BLTP1: variants seen among roughly 807,000 people sequenced by gnomAD.
The protein encoded by BLTP1 is fragile site-associated protein.
chr4:122,298,255 G>A, the BLTP1 span: 3 of 946,950 alleles, frequency 3.2e-6, no homozygotes, highest in Non-Finnish European at 3.8e-6. Flanking sequence ...ATCACCTATT[G>A]TGTTGTGTTT....
the BLTP1 span, among the ~76,000 whole-genome samples, chr4:122,295,711 C>T: frequency 3.1e-4 from 47 of 152,144 alleles, no homozygotes; most frequent in Non-Finnish European, 6.3e-4. Flanking sequence ...ACTGACAAAC[C>T]GAATCCAGAA....
At chr4:122,359,836 C>A in the BLTP1 span, 7 of 1,431,530 alleles carry the variant, frequency 4.9e-6, no homozygotes, top group Non-Finnish European at 6.4e-6. Context: ...AAGTTAGTCT[C>A]CTGTAATGTC....
At chr4:122,202,006 T>C in the BLTP1 span, 1 of 414,976 alleles carries the variant, frequency 2.4e-6, no homozygotes, top group Admixed American at 6.4e-5. Flanking sequence ...TCAGTTTCCT[T>C]GTTTGTGAAA....
the BLTP1 span, chr4:122,190,326 C>A: frequency 2.9e-6 from 2 of 684,226 alleles, no homozygotes; most frequent in Non-Finnish European, 3.6e-6. Context: ...AAATTCCTGG[C>A]CTTAAGTGAT....
chr4:122,238,405 A>G, the BLTP1 span: 1 of 1,487,216 alleles, frequency 6.7e-7, no homozygotes, highest in Non-Finnish European at 9.2e-7. Context: ...ATAATTGTTT[A>G]AAATTCTGGC....
chr4:122,242,479 A>G, the BLTP1 span, among the ~76,000 whole-genome samples: 1 of 152,162 alleles, frequency 6.6e-6, no homozygotes, highest in Non-Finnish European at 1.5e-5. Context: ...GTTGGGGGGA[A>G]AAAAGTAACC....
At chr4:122,330,028 T>A in the BLTP1 span, among the ~76,000 whole-genome samples, 1 of 151,842 alleles carries the variant, frequency 6.6e-6, no homozygotes, top group Non-Finnish European at 1.5e-5. Context: ...GTCCTCAAGT[T>A]CATACATGTT....
the BLTP1 span, chr4:122,208,288 CT>C: frequency 1.5e-6 from 1 of 683,586 alleles, no homozygotes; most frequent in Non-Finnish European, 1.8e-6. Context: ...AGGAACAGAG[CT>C]TTTGTAACTC....
the BLTP1 span, chr4:122,347,732 C>T: frequency 1.2e-6 from 2 of 1,613,726 alleles, no homozygotes; most frequent in Non-Finnish European, 1.7e-6. Context: ...AAATCCCCAG[C>T]TTCCATAAGA....
the BLTP1 span, chr4:122,178,087 A>G: frequency 1.2e-6 from 1 of 868,884 alleles, no homozygotes. Context: ...AAGTAAAACA[A>G]AACATTGAGA....
the BLTP1 span, chr4:122,280,266 G>A: frequency 1.3e-6 from 1 of 799,702 alleles, no homozygotes; most frequent in Non-Finnish European, 1.5e-6. Context: ...CTAATAAAAA[G>A]CAAATTGGTG....
chr4:122,232,258 GC>G, the BLTP1 span: 1 of 379,048 alleles, frequency 2.6e-6, no homozygotes, highest in Non-Finnish European at 3.6e-6. Flanking sequence ...CTATATTACA[GC>G]CAAAGCGGTA....
the BLTP1 span, among the ~76,000 whole-genome samples, chr4:122,230,777 T>C: frequency 1.3e-5 from 2 of 152,180 alleles, no homozygotes; most frequent in African/African-American, 4.8e-5. Flanking sequence ...ATCTTCCCCA[T>C]TGTATATTTA....
chr4:122,355,991 G>T, the BLTP1 span: 1 of 1,582,868 alleles, frequency 6.3e-7, no homozygotes, highest in Non-Finnish European at 8.6e-7. Flanking sequence ...TCATTACAGG[G>T]TATGTAGAAA....
the BLTP1 span, chr4:122,275,914 T>C: frequency 3.9e-4 from 573 of 1,452,020 alleles, 2 homozygotes; most frequent in African/African-American, 7.5e-3. Context: ...AATTTGTGCA[T>C]GAATGTTTAT....
the BLTP1 span, among the ~76,000 whole-genome samples, chr4:122,333,974 C>T: frequency 6.6e-6 from 1 of 151,928 alleles, no homozygotes; most frequent in Admixed American, 6.6e-5. Flanking sequence ...CTGCAGGTTC[C>T]CACTTCATTT....
At chr4:122,350,879 G>A in the BLTP1 span, among the ~76,000 whole-genome samples, 5 of 152,074 alleles carry the variant, frequency 3.3e-5, no homozygotes, top group Non-Finnish European at 5.9e-5. Context: ...CGAAAATGCC[G>A]GACATGAATT....
the BLTP1 span, chr4:122,196,703 C>T: frequency 6.2e-7 from 1 of 1,611,944 alleles, no homozygotes; most frequent in Non-Finnish European, 8.5e-7. Flanking sequence ...ATTGCACAGC[C>T]TGGGAGACCA....
the BLTP1 span, chr4:122,281,421 A>G: frequency 2.2e-6 from 3 of 1,365,716 alleles, no homozygotes; most frequent in Non-Finnish European, 1.9e-6. Context: ...ATTGGAAAGA[A>G]AACATCTATT....
Sources: gnomAD v4.1 joint callset for allele counts (sites outside exome capture counted in the v4.1 genomes callset) on GRCh38, gnomAD v4.1.1 for gene constraint, MANE v1.5 for transcripts, NCBI Gene and HGNC (gene_info 2026-07-23, HGNC 2026-07-21) for gene names.